Variants in SNAP29 observed in about 807,000 individuals in gnomAD.
SNAP29 encodes synaptosome associated protein 29.
In SNAP29, 13 loss-of-function variants were observed where a neutral mutation model predicts 27.9. The observed-to-expected ratio is 0.47, with a 90% confidence interval of 0.30 to 0.74. The LOEUF is 0.74. Among genes scored for constraint, SNAP29 ranks in the 30% least tolerant of loss-of-function variants. The pLI, the probability that SNAP29 is intolerant of heterozygous loss-of-function variation, is 0.06. For missense variants in SNAP29, 368 were observed against 336.5 expected, an observed-to-expected ratio of 1.09 and a Z score of -0.73; for synonymous variants, 119 against 127.1, an observed-to-expected ratio of 0.94 and a Z score of 0.43.
intron 3 of SNAP29, among the ~76,000 whole-genome samples, chr22:20,882,802 G>T (rs1008334829): frequency 6.6e-6 from 1 of 152,210 alleles, no homozygotes; most frequent in African/African-American, 2.4e-5. Context: ...AATGGTTTCA[G>T]TTGGTTGGTG....
chr22:20,862,186 T>C (rs1928340969), intron 1 of SNAP29, among the ~76,000 whole-genome samples: 2 of 152,238 alleles, frequency 1.3e-5, no homozygotes, highest in South Asian at 4.1e-4. Context: ...CCTGAGGTTT[T>C]AGGGCCCTGG....
intron 1 of SNAP29, among the ~76,000 whole-genome samples, chr22:20,861,359 C>T (rs1462253657): frequency 2.0e-5 from 3 of 151,880 alleles, no homozygotes; most frequent in Non-Finnish European, 2.9e-5. Flanking sequence ...TGATCCACCA[C>T]CTCGGCCTCC....
intron 1 of SNAP29, among the ~76,000 whole-genome samples, chr22:20,863,761 A>G (rs1307779955): frequency 6.6e-6 from 1 of 151,878 alleles, no homozygotes; most frequent in African/African-American, 2.4e-5. Flanking sequence ...GTCTTCTCCC[A>G]CTTCCCTCCC....
At chr22:20,881,757 C>T (rs1928897715) in intron 3 of SNAP29, among the ~76,000 whole-genome samples, 1 of 152,152 alleles carries the variant, frequency 6.6e-6, no homozygotes, top group African/African-American at 2.4e-5. Context: ...GTGTCATTCT[C>T]AATTGTTCCA....
rs1055868946 is a variant in SNAP29, at chr22:20,880,986, T to C, written c.435-63T>C. The stretch of plus-strand genomic sequence containing the variant: ...CACAGGCATTATGTGAAAAGACTGA[T>C]AACATTGTCATAGGGGTTTTTCCTT... On this transcript the variant is annotated intron_variant, in intron 2 of 4. Coordinates refer to ENST00000215730, the MANE Select transcript of SNAP29 (RefSeq NM_004782.4). 1.0e-5 allele frequency: 11 copies of C among 1,068,848 alleles called. No homozygotes were observed. The African/African-American group carries it at 1.7e-4, about 17-fold the overall frequency. 66.2% of individuals were successfully genotyped at this position (1,068,848 alleles called of 1,614,324 possible). A position where few individuals can be genotyped will look rare whatever the true frequency, so the allele number is the denominator to read the frequency against.
Position 20,870,378 on chromosome 22 carries a change from G to A in SNAP29, c.279G>A (p.Lys93=), listed in dbSNP as rs764625480. 6 of 1,614,174 alleles carry A rather than the reference G, an allele frequency of 3.7e-6. No homozygotes were observed. In the East Asian group the frequency reaches 8.9e-5, roughly 24 times the overall value. ...RQRGVLERTE[K]MVDKMDQDLK... ...GAGGAGTCCTGGAGCGCACAGAGAA[G>A]ATGGTGGACAAGATGGACCAAGATT... The change falls in exon 2 of 5, where the codon AAG becomes AAA. Residue 93 remains lysine (K), a synonymous_variant. Transcript: ENST00000215730.
chr22:20,862,953 A>G (rs183620133), intron 1 of SNAP29, among the ~76,000 whole-genome samples: 6 of 151,868 alleles, frequency 4.0e-5, no homozygotes, highest in Admixed American at 2.6e-4. Context: ...CCGTGGTGCA[A>G]TCTTGGCTCA....
chr22:20,874,905 C>T (rs1457130030), intron 2 of SNAP29, among the ~76,000 whole-genome samples: 3 of 152,072 alleles, frequency 2.0e-5, no homozygotes, highest in Non-Finnish European at 4.4e-5. Context: ...CTAAGACATC[C>T]TCCATGTACA....
intron 1 of SNAP29, among the ~76,000 whole-genome samples, chr22:20,865,957 A>C (rs1928448381): frequency 6.6e-6 from 1 of 152,256 alleles, no homozygotes; most frequent in Admixed American, 6.5e-5. Context: ...CCAGAGGTCA[A>C]GCTGATAACG....
chr22:20,865,084 G>A (rs577066478), intron 1 of SNAP29, among the ~76,000 whole-genome samples: 1 of 152,130 alleles, frequency 6.6e-6, no homozygotes, highest in Non-Finnish European at 1.5e-5. Flanking sequence ...GCCAGGTGTG[G>A]TGGCTCACAC....
chr22:20,888,269 T>TGGA lies in SNAP29; in HGVS notation c.*439_*441dup, dbSNP rs1377184509. 1 of 292,184 alleles carries TGGA rather than the reference T, an allele frequency of 3.4e-6. No homozygotes were observed. Among genetic ancestry groups the TGGA allele is most frequent in the Non-Finnish European group, 6.5e-6 (1 of 152,932 alleles). 18.1% of individuals were successfully genotyped at this position (292,184 alleles called of 1,614,324 possible). A position where few individuals can be genotyped will look rare whatever the true frequency, so the allele number is the denominator to read the frequency against. The stretch of plus-strand genomic sequence containing the variant: ...GGGGGCCTGTGAACCAGTCGTTTGG[T>TGGA]GGAGGAGGGTCCTTCCCACACCTTT... On this transcript the variant is annotated 3_prime_UTR_variant, in exon 5 of 5. Transcript: ENST00000215730.
intron 2 of SNAP29, among the ~76,000 whole-genome samples, chr22:20,878,413 C>T (rs2147869447): frequency 6.6e-6 from 1 of 152,090 alleles, no homozygotes; most frequent in Admixed American, 6.6e-5. Flanking sequence ...AAACCCTGTA[C>T]TAAAAATACA....
At chr22:20,880,378 A>T (rs1351357641) in intron 2 of SNAP29, among the ~76,000 whole-genome samples, 1 of 151,696 alleles carries the variant, frequency 6.6e-6, no homozygotes, top group Non-Finnish European at 1.5e-5. Flanking sequence ...CCTGCCTATA[A>T]CTGTAATATC....
At chr22:20,878,271 G>C (rs978417881) in intron 2 of SNAP29, among the ~76,000 whole-genome samples, 1 of 152,204 alleles carries the variant, frequency 6.6e-6, no homozygotes, top group African/African-American at 2.4e-5. Flanking sequence ...GCCGGGCACG[G>C]TGGCTCAAGC....
chr22:20,867,629 C>G (rs1928492471), intron 1 of SNAP29, among the ~76,000 whole-genome samples: 1 of 152,190 alleles, frequency 6.6e-6, no homozygotes, highest in South Asian at 2.1e-4. Context: ...ACAGAAACTT[C>G]CAGAGGCCAG....
At chr22:20,873,036 G>T (rs1928635980) in intron 2 of SNAP29, among the ~76,000 whole-genome samples, 1 of 150,908 alleles carries the variant, frequency 6.6e-6, no homozygotes, top group Non-Finnish European at 1.5e-5. Flanking sequence ...CTCCATGTTG[G>T]CCAGGATAGT....
At chr22:20,872,043 A>C (rs1261605686) in intron 2 of SNAP29, among the ~76,000 whole-genome samples, 1 of 152,130 alleles carries the variant, frequency 6.6e-6, no homozygotes, top group Non-Finnish European at 1.5e-5. Flanking sequence ...GACAATCTAT[A>C]CTTTACCTAC....
At chr22:20,863,078 G>A (rs922400234) in intron 1 of SNAP29, among the ~76,000 whole-genome samples, 1 of 152,150 alleles carries the variant, frequency 6.6e-6, no homozygotes, top group Non-Finnish European at 1.5e-5. Context: ...TGGTGGAGAT[G>A]GGCTTTCGCC....
rs1928570693 is a variant in SNAP29 at position 20,870,660 on chromosome 22, G to T, written c.434+127G>T. On this transcript the variant is annotated intron_variant, in intron 2 of 4. Transcript: ENST00000215730. ...CAACCCTTTAAGTTACTCATCAGGG[G>T]ATATTTGTCCTCAAACATTGTGAAA... 1.8e-5 allele frequency: 15 copies of T among 856,072 alleles called. No homozygotes were observed. The South Asian group carries it at 2.0e-4, about 11-fold the overall frequency. 53.0% of individuals were successfully genotyped at this position (856,072 alleles called of 1,614,324 possible).
Sources: allele counts gnomAD v4.1 joint callset (sites outside exome capture counted in the v4.1 genomes callset), GRCh38; gene constraint gnomAD v4.1.1; transcripts MANE v1.5; gene names NCBI Gene and HGNC (gene_info 2026-07-23, HGNC 2026-07-21).